The following NAALADL2 variants were observed in gnomAD, a reference collection of about 807,000 sequenced individuals.
NAALADL2 encodes N-acetylated alpha-linked acidic dipeptidase like 2.
NAALADL2 carries 76 observed loss-of-function variants against 87.2 expected under a neutral mutation model. The observed-to-expected ratio is 0.87, with a 90% CI of 0.72 to 1.05. The LOEUF is 1.05. NAALADL2 is among the 50% of genes least tolerant of loss of function. The pLI is 0.00. For missense variants in NAALADL2, 1,089 were observed against 945.8 expected, an observed-to-expected ratio of 1.15 and a Z score of -1.99; for synonymous variants, 354 against 331.0, an observed-to-expected ratio of 1.07 and a Z score of -0.75.
At chr3:174,790,322 C>T (rs1717304648) in intron 3 of NAALADL2, among the ~76,000 whole-genome samples, 1 of 152,106 alleles carries the variant, frequency 6.6e-6, no homozygotes, top group Non-Finnish European at 1.5e-5. Context: ...CCCTCCTTTC[C>T]ATTACATGCC....
chr3:175,257,304 G>A (rs1341751664), intron 4 of NAALADL2: 1 of 151,152 alleles, frequency 6.6e-6, no homozygotes, highest in Non-Finnish European at 1.5e-5. Flanking sequence ...CTAACTCCCA[G>A]GTCCAAAAAC....
At chr3:174,450,820 A>C (rs1271054752) in intron 1 of NAALADL2, among the ~76,000 whole-genome samples, 1 of 143,704 alleles carries the variant, frequency 7.0e-6, no homozygotes, top group Non-Finnish European at 1.5e-5. Context: ...TAGTGAGCCG[A>C]GATCATGCCA....
At chr3:174,522,770 T>C (rs1720391134) in intron 1 of NAALADL2, among the ~76,000 whole-genome samples, 1 of 150,924 alleles carries the variant, frequency 6.6e-6, no homozygotes, top group Non-Finnish European at 1.5e-5. Flanking sequence ...CCGTCTCTAC[T>C]AAAAAATACA....
intron 9 of NAALADL2, among the ~76,000 whole-genome samples, chr3:175,568,112 TA>T: frequency 2.0e-5 from 3 of 150,510 alleles, no homozygotes; most frequent in African/African-American, 7.5e-5. Context: ...TATTAATTTT[TA>T]ATTTTTTTTT....
At chr3:174,760,310 G>A (rs879860885) in intron 3 of NAALADL2, among the ~76,000 whole-genome samples, 1 of 152,136 alleles carries the variant, frequency 6.6e-6, no homozygotes, top group Non-Finnish European at 1.5e-5. Flanking sequence ...CCGAGGAGGA[G>A]TGATAGTAAT....
chr3:175,099,126 T>C (rs1345462938), intron 2 of NAALADL2, among the ~76,000 whole-genome samples: 2 of 152,168 alleles, frequency 1.3e-5, no homozygotes, highest in Non-Finnish European at 2.9e-5. Flanking sequence ...TTTTAATTCT[T>C]TTTTCAGCAC....
chr3:174,884,259 A>C (rs7629814), intron 1 of NAALADL2, among the ~76,000 whole-genome samples: 2,358 of 152,264 alleles, frequency 0.015, 60 homozygotes, highest in African/African-American at 0.054. Flanking sequence ...AACCCTGGCC[A>C]TGAAAGAAAC....
intron 1 of NAALADL2, among the ~76,000 whole-genome samples, chr3:174,878,617 TC>T (rs1260599924): frequency 1.3e-5 from 2 of 152,054 alleles, no homozygotes; most frequent in East Asian, 3.9e-4. Context: ...TGATTCTAAA[TC>T]CCTCTTGAAT....
intron 3 of NAALADL2, among the ~76,000 whole-genome samples, chr3:175,240,597 G>A (rs566389462): frequency 1.3e-5 from 2 of 152,302 alleles, no homozygotes; most frequent in African/African-American, 4.8e-5. Flanking sequence ...TTTCTGGATG[G>A]TAAGATGAAG....
At chr3:174,846,079 G>A (rs1213357593) in intron 3 of NAALADL2, among the ~76,000 whole-genome samples, 1 of 152,126 alleles carries the variant, frequency 6.6e-6, no homozygotes, top group Non-Finnish European at 1.5e-5. Flanking sequence ...AGGACTGGGG[G>A]ACCCTCCTGT....
intron 1 of NAALADL2, among the ~76,000 whole-genome samples, chr3:174,483,464 T>G (rs1178771221): frequency 2.6e-5 from 4 of 152,044 alleles, no homozygotes; most frequent in Non-Finnish European, 4.4e-5. Context: ...TACCTCCATC[T>G]GTTCTCTCCC....
At chr3:175,546,439 T>C (rs1215819286) in intron 9 of NAALADL2, among the ~76,000 whole-genome samples, 1 of 152,084 alleles carries the variant, frequency 6.6e-6, no homozygotes, top group African/African-American at 2.4e-5. Flanking sequence ...ATAATGATGT[T>C]AGCTGGTTAT....
chr3:174,565,055 A>C (rs986891151), intron 2 of NAALADL2, among the ~76,000 whole-genome samples: 1 of 152,018 alleles, frequency 6.6e-6, no homozygotes, highest in African/African-American at 2.4e-5. Flanking sequence ...TCAGAAGAAA[A>C]TACAGGGTTT....
chr3:175,143,140 C>A (rs1730245441), intron 2 of NAALADL2, among the ~76,000 whole-genome samples: 1 of 151,870 alleles, frequency 6.6e-6, no homozygotes. Flanking sequence ...GTAATACTTG[C>A]CATGAAGGTT....
chr3:175,639,475 C>A (rs938294571), intron 11 of NAALADL2, among the ~76,000 whole-genome samples: 5 of 151,960 alleles, frequency 3.3e-5, no homozygotes, highest in Admixed American at 3.3e-4. Context: ...TGCCTGCCAC[C>A]AAGCCCGGCT....
chr3:175,697,811 A>G (rs1185244581), intron 11 of NAALADL2, among the ~76,000 whole-genome samples: 2 of 138,338 alleles, frequency 1.4e-5, no homozygotes, highest in Non-Finnish European at 3.1e-5. Flanking sequence ...ATATATATTT[A>G]TGTATGTATA....
In NAALADL2 at chr3:174,859,388, CT is replaced by C; in HGVS notation, c.-17del. On this transcript the variant is annotated 5_prime_UTR_variant, in exon 1 of 14. Transcript: ENST00000454872. Reference sequence around the variant, plus strand: ...ACACAACTTGAAACTGCTTGGCCCTCTTTAAAAAGAAATAATAAAATGGGAG... The same window carrying C: ...ACACAACTTGAAACTGCTTGGCCCTCTTAAAAAGAAATAATAAAATGGGAG... 6.3e-7 allele frequency: 1 copy of C among 1,599,206 alleles called. No individual in the cohort carries two copies. The highest frequency in any genetic ancestry group is 8.5e-7 in the Non-Finnish European group (1 of 1,170,988).
chr3:174,858,856 TA>T (rs1248994866), upstream of NAALADL2, among the ~76,000 whole-genome samples: 2 of 151,954 alleles, frequency 1.3e-5, no homozygotes, highest in Non-Finnish European at 2.9e-5. Context: ...TCAAAGAAGT[TA>T]TATTCTTTGC....
intron 2 of NAALADL2, among the ~76,000 whole-genome samples, chr3:175,106,183 T>C (rs1723126477): frequency 6.6e-6 from 1 of 151,774 alleles, no homozygotes; most frequent in Non-Finnish European, 1.5e-5. Flanking sequence ...AATGTCCTTT[T>C]CTTCATCTTT....
Sources: gnomAD v4.1 joint callset for allele counts (sites outside exome capture counted in the v4.1 genomes callset) on GRCh38, gnomAD v4.1.1 for gene constraint, MANE v1.5 for transcripts, NCBI Gene and HGNC (gene_info 2026-07-23, HGNC 2026-07-21) for gene names.